The following TBC1D22A variants were observed in gnomAD, a reference collection of about 807,000 sequenced individuals.
The protein encoded by TBC1D22A is putative GTPase activator.
TBC1D22A carries 38 observed loss-of-function variants against 60.2 expected under a neutral mutation model. The ratio of observed to expected loss-of-function variants is 0.63; its 90% CI spans 0.49 to 0.83. The LOEUF (loss-of-function observed/expected upper bound fraction) is 0.83, where lower values mean the gene tolerates loss of function less well. Among genes scored for constraint, TBC1D22A ranks in the 40% least tolerant of loss-of-function variants. TBC1D22A has a pLI of 0.00. For missense variants in TBC1D22A, 628 were observed against 701.0 expected, an observed-to-expected ratio of 0.90 and a Z score of 1.18; for synonymous variants, 302 against 281.7, an observed-to-expected ratio of 1.07 and a Z score of -0.72.
chr22:46,887,135 A>C (rs556580665), intron 5 of TBC1D22A, among the ~76,000 whole-genome samples: 16 of 152,352 alleles, frequency 1.1e-4, no homozygotes, highest in Non-Finnish European at 1.3e-4. Flanking sequence ...ACACCTGTGA[A>C]TCAGAAAGGA....
At chr22:47,062,419 G>A (rs549403152) in intron 11 of TBC1D22A, among the ~76,000 whole-genome samples, 15 of 152,314 alleles carry the variant, frequency 9.8e-5, no homozygotes, top group African/African-American at 3.4e-4. Context: ...GAAGCAGCAC[G>A]TGGCTGTCTG....
chr22:47,012,252 C>T lies in TBC1D22A; in HGVS notation c.1201+14543C>T, dbSNP rs117744986. Among the ~76,000 whole-genome samples the T allele has an allele frequency of 7.2e-4, 110 of 152,244 alleles. 1 individual carries two copies. The East Asian group carries it at 0.016, about 23-fold the overall frequency. On this transcript the variant is annotated intron_variant, in intron 10 of 12. Coordinates refer to ENST00000337137, the MANE Select transcript of TBC1D22A (RefSeq NM_014346.5). ...CAGGGTGCTTTGAAATGTTTGGTTC[C>T]GCTGTGAAAAGCTGGCAAAAGTCTG...
chr22:47,014,761 C>G (rs886682685), intron 10 of TBC1D22A, among the ~76,000 whole-genome samples: 1 of 152,210 alleles, frequency 6.6e-6, no homozygotes, highest in Non-Finnish European at 1.5e-5. Context: ...TGCCCCTCAG[C>G]CAGGGCTCCA....
intron 4 of TBC1D22A, among the ~76,000 whole-genome samples, chr22:46,844,762 CG>C (rs1400872689): frequency 2.6e-5 from 4 of 152,164 alleles, no homozygotes; most frequent in African/African-American, 9.7e-5. Flanking sequence ...TAGCAGTTGA[CG>C]GTCTGAGCAC....
chr22:47,074,571 T>C (rs187665675), intron 11 of TBC1D22A, among the ~76,000 whole-genome samples: 1 of 152,358 alleles, frequency 6.6e-6, no homozygotes, highest in African/African-American at 2.4e-5. Context: ...CTTTGGCAGG[T>C]TTAGAAAATT....
chr22:46,775,533 A>G (rs942004419), intron 1 of TBC1D22A, among the ~76,000 whole-genome samples: 2 of 152,186 alleles, frequency 1.3e-5, no homozygotes, highest in African/African-American at 2.4e-5. Context: ...TCTCAGGTTT[A>G]TTGATGGTGC....
intron 8 of TBC1D22A, among the ~76,000 whole-genome samples, chr22:46,937,704 C>T (rs2071741068): frequency 1.3e-5 from 2 of 151,936 alleles, no homozygotes; most frequent in Non-Finnish European, 2.9e-5. Flanking sequence ...TGCTGTTGTC[C>T]CTGAAGACCT....
chr22:46,849,392 T>G (rs944134667), intron 4 of TBC1D22A, among the ~76,000 whole-genome samples: 19 of 152,202 alleles, frequency 1.2e-4, no homozygotes, highest in African/African-American at 3.1e-4. Context: ...TAGAACTGAT[T>G]AGTGGAGGCC....
At chr22:47,072,170 A>G (rs2064020868) in intron 11 of TBC1D22A, among the ~76,000 whole-genome samples, 1 of 152,092 alleles carries the variant, frequency 6.6e-6, no homozygotes, top group South Asian at 2.1e-4. Context: ...GGGAATTAGG[A>G]GGAAAAAGAG....
At chr22:46,893,071 G>A (rs572917451) in intron 6 of TBC1D22A, among the ~76,000 whole-genome samples, 19 of 152,356 alleles carry the variant, frequency 1.2e-4, no homozygotes, top group Middle Eastern at 3.4e-3. Flanking sequence ...GACTGAGCCC[G>A]ACCAGCCGTC....
intron 11 of TBC1D22A, among the ~76,000 whole-genome samples, chr22:47,052,921 G>A (rs1256285521): frequency 1.3e-5 from 2 of 152,224 alleles, no homozygotes; most frequent in East Asian, 3.9e-4. Context: ...ATGGTCTTGG[G>A]GTCTTGGTGT....
At chr22:46,762,946 G>A in intron 1 of TBC1D22A, 98 bp downstream of exon 1, 2 of 1,169,372 alleles carry the variant, frequency 1.7e-6, no homozygotes, top group Non-Finnish European at 1.2e-6. Flanking sequence ...GGTCTGGAGA[G>A]GGCAACTTGG....
chr22:46,801,580 TTGG>T (rs1240793824), intron 4 of TBC1D22A, among the ~76,000 whole-genome samples: 2 of 152,244 alleles, frequency 1.3e-5, no homozygotes, highest in African/African-American at 4.8e-5. Flanking sequence ...GACACTCAAG[TTGG>T]TCACATGTAT....
At chr22:46,814,679 C>T (rs2085516762) in intron 4 of TBC1D22A, among the ~76,000 whole-genome samples, 1 of 151,784 alleles carries the variant, frequency 6.6e-6, no homozygotes, top group Non-Finnish European at 1.5e-5. Flanking sequence ...TGGAGTCTCA[C>T]TCTGTTGCCC....
chr22:47,169,457 T>C lies in TBC1D22A; in HGVS notation c.1426-4041T>C, dbSNP rs115431867. On this transcript the variant is annotated intron_variant, in intron 12 of 12. Coordinates refer to ENST00000337137, the MANE Select transcript of TBC1D22A (RefSeq NM_014346.5). ...GGGCCAGGACAATGGGGCATTTTTT[T>C]GAGCTCCTTGGGTGCTGATGGACAT... 3.6e-3 allele frequency among the ~76,000 whole-genome samples: 545 copies of C among 152,316 alleles called. 1 individual carries two copies. Among genetic ancestry groups the C allele is most frequent in the African/African-American group, 0.013 (527 of 41,566 alleles).
At chr22:46,992,198 T>C (rs886660208) in intron 9 of TBC1D22A, among the ~76,000 whole-genome samples, 1 of 152,198 alleles carries the variant, frequency 6.6e-6, no homozygotes, top group East Asian at 1.9e-4. Flanking sequence ...CAGAGGAGAC[T>C]CCATCAAGGG....
At chr22:46,977,711 A>C (rs1235752946) in intron 9 of TBC1D22A, among the ~76,000 whole-genome samples, 1 of 152,138 alleles carries the variant, frequency 6.6e-6, no homozygotes, top group Non-Finnish European at 1.5e-5. Context: ...GGCTTCAGGA[A>C]ACTTTCAATT....
At chr22:47,068,287 T>C (rs1030929525) in intron 11 of TBC1D22A, among the ~76,000 whole-genome samples, 1 of 152,180 alleles carries the variant, frequency 6.6e-6, no homozygotes, top group Non-Finnish European at 1.5e-5. Flanking sequence ...GCCGGCATCA[T>C]TGGGTAGAAA....
At chr22:47,077,080 G>A (rs996779406) in intron 11 of TBC1D22A, among the ~76,000 whole-genome samples, 7 of 152,216 alleles carry the variant, frequency 4.6e-5, no homozygotes, top group Non-Finnish European at 8.8e-5. Flanking sequence ...GTTCTTAGCT[G>A]AAAAGGAGAC....
Sources: allele counts gnomAD v4.1 joint callset (sites outside exome capture counted in the v4.1 genomes callset), GRCh38; gene constraint gnomAD v4.1.1; transcripts MANE v1.5; gene names NCBI Gene and HGNC (gene_info 2026-07-23, HGNC 2026-07-21).